Variants in NR5A2 observed in about 807,000 individuals in gnomAD.
The protein encoded by NR5A2 is nuclear receptor subfamily 5 group A member 2.
A neutral mutation model predicts 62.7 loss-of-function variants in NR5A2; 26 were observed. That is an observed-to-expected ratio of 0.41 (90% CI 0.30 to 0.58). NR5A2 has a LOEUF of 0.58. Among genes scored for constraint, NR5A2 ranks in the 20% least tolerant of loss-of-function variants. NR5A2 has a pLI of 0.22. For synonymous variants in NR5A2, 246 were observed against 241.7 expected (o/e 1.02, Z -0.16); for missense variants, 541 against 669.1 (o/e 0.81, Z 2.11).
intron 6 of NR5A2, among the ~76,000 whole-genome samples, chr1:200,118,019 CTT>C (rs397982581): frequency 7.7e-5 from 9 of 117,326 alleles, no homozygotes; most frequent in Non-Finnish European, 1.0e-4. Flanking sequence ...TCGCCTTTTT[CTT>C]TTTTTTTTTT....
rs142572209 is a variant in NR5A2 at position 200,165,650 on chromosome 1, C to T, written c.1379-8313C>T. ...TCTTTCATTTAATAATACACATTTACGTTTCCTCCATGTCTTTTCATGGGC... is the reference window on the plus strand; with the variant it reads ...TCTTTCATTTAATAATACACATTTATGTTTCCTCCATGTCTTTTCATGGGC... On this transcript the variant is annotated intron_variant, in intron 7 of 7. Transcript: ENST00000367362. Among the ~76,000 whole-genome samples the T allele has an allele frequency of 5.6e-3, 857 of 152,254 alleles. 4 individuals carry two copies. Among genetic ancestry groups the T allele is most frequent in the African/African-American group, 0.02 (810 of 41,534 alleles).
At chr1:200,086,099 C>T (rs768718449) in intron 5 of NR5A2, among the ~76,000 whole-genome samples, 47 of 151,950 alleles carry the variant, frequency 3.1e-4, no homozygotes, top group Admixed American at 9.8e-4. Context: ...AGGCTAACTA[C>T]GTGATAAAAG....
chr1:200,064,095 G>A (rs540198476), intron 5 of NR5A2, among the ~76,000 whole-genome samples: 2 of 151,374 alleles, frequency 1.3e-5, no homozygotes, highest in African/African-American at 4.9e-5. Context: ...GTTACAGTGA[G>A]CCAAGATTGC....
chr1:200,047,529 A>T (rs930867062), intron 4 of NR5A2, among the ~76,000 whole-genome samples: 2 of 152,076 alleles, frequency 1.3e-5, no homozygotes, highest in African/African-American at 4.8e-5. Context: ...ATAAAAGCAT[A>T]TACTCTTAGT....
intron 7 of NR5A2, among the ~76,000 whole-genome samples, chr1:200,150,955 T>A (rs903967429): frequency 3.3e-5 from 5 of 152,194 alleles, no homozygotes; most frequent in African/African-American, 1.2e-4. Context: ...CCGTGGGAGT[T>A]AAGAATTGAA....
intron 7 of NR5A2, among the ~76,000 whole-genome samples, chr1:200,124,309 C>T (rs972409418): frequency 3.9e-5 from 6 of 152,182 alleles, no homozygotes; most frequent in African/African-American, 1.4e-4. Flanking sequence ...GCAGTCATCA[C>T]TTTCTAATCT....
At chr1:200,165,047 T>G (rs1204351288) in intron 7 of NR5A2, among the ~76,000 whole-genome samples, 2 of 151,340 alleles carry the variant, frequency 1.3e-5, no homozygotes. Context: ...CAGCTAATTT[T>G]TATATTTTTA....
chr1:200,030,966 A>G (rs1661525480), intron 1 of NR5A2, among the ~76,000 whole-genome samples: 1 of 152,214 alleles, frequency 6.6e-6, no homozygotes. Flanking sequence ...CTCTGAAAGT[A>G]GACGTTTCAT....
chr1:200,156,821 C>T (rs950228598), intron 7 of NR5A2, among the ~76,000 whole-genome samples: 1 of 152,164 alleles, frequency 6.6e-6, no homozygotes, highest in Non-Finnish European at 1.5e-5. Flanking sequence ...GTATTCTGAG[C>T]ACATTTAAGG....
chr1:200,091,090 G>A (rs1664795129), intron 5 of NR5A2, among the ~76,000 whole-genome samples: 1 of 152,086 alleles, frequency 6.6e-6, no homozygotes, highest in South Asian at 2.1e-4. Flanking sequence ...GAGAATTAAT[G>A]GGGAGACCAT....
At chr1:200,123,645 CTT>C (rs1318935504) in intron 7 of NR5A2, among the ~76,000 whole-genome samples, 2 of 152,116 alleles carry the variant, frequency 1.3e-5, no homozygotes, top group Non-Finnish European at 1.5e-5. Flanking sequence ...CGGTGAATAA[CTT>C]AAGTCGATTT....
chr1:200,148,239 CA>C, intron 7 of NR5A2: 1 of 222,502 alleles, frequency 4.5e-6, no homozygotes, highest in Non-Finnish European at 9.5e-6. Flanking sequence ...CGGCAGCATC[CA>C]AAGGAAGCCG....
At chr1:200,151,665 TATC>T (rs1222360782) in intron 7 of NR5A2, among the ~76,000 whole-genome samples, 4 of 152,346 alleles carry the variant, frequency 2.6e-5, no homozygotes, top group African/African-American at 9.6e-5. Context: ...CAGGAGGCAT[TATC>T]ATGTTTCAAA....
chr1:200,126,288 A>G (rs1405436417), intron 7 of NR5A2, among the ~76,000 whole-genome samples: 1 of 152,164 alleles, frequency 6.6e-6, no homozygotes, highest in Non-Finnish European at 1.5e-5. Context: ...GCAGGGCTCT[A>G]TGGTTGTTCT....
At position 200,136,223 on chromosome 1, in the gene NR5A2, CT is replaced by C. The variant is rs1015637570; in HGVS notation, c.1378+15280del. ...TAGGAAGCTCTTCACTTTTTTCTTT[CT>C]TTTTTTTTTTTGGAGATGGAATCTC... On this transcript the variant is annotated intron_variant, in intron 7 of 7. Coordinates refer to ENST00000367362, the MANE Select transcript of NR5A2 (RefSeq NM_205860.3). Among the ~76,000 whole-genome samples the C allele has an allele frequency of 2.2e-3, 321 of 144,976 alleles. 1 individual carries two copies. Among genetic ancestry groups the C allele is most frequent in the Middle Eastern group, 3.5e-3 (1 of 282 alleles).
chr1:200,115,324 C>T (rs1408691761), intron 6 of NR5A2, among the ~76,000 whole-genome samples: 5 of 152,052 alleles, frequency 3.3e-5, no homozygotes, highest in Non-Finnish European at 7.3e-5. Flanking sequence ...AAATAACTCG[C>T]CTGCCCCAGA....
intron 7 of NR5A2, among the ~76,000 whole-genome samples, chr1:200,159,956 G>C (rs1038661446): frequency 6.6e-6 from 1 of 152,172 alleles, no homozygotes; most frequent in Non-Finnish European, 1.5e-5. Context: ...CCTGGTCTGA[G>C]AAGATTTTTT....
At chr1:200,034,553 C>T (rs1398613733) in intron 1 of NR5A2, among the ~76,000 whole-genome samples, 1 of 139,436 alleles carries the variant, frequency 7.2e-6, no homozygotes, top group Non-Finnish European at 1.5e-5. Context: ...GCCAAACTCT[C>T]CAAAAAGCCC....
At chr1:200,167,405 A>G (rs1367068019) in intron 7 of NR5A2, among the ~76,000 whole-genome samples, 3 of 152,074 alleles carry the variant, frequency 2.0e-5, no homozygotes, top group African/African-American at 7.2e-5. Flanking sequence ...ACCCTGTTGC[A>G]TCAACCATCT....
Sources: allele counts gnomAD v4.1 joint callset (sites outside exome capture counted in the v4.1 genomes callset), GRCh38; gene constraint gnomAD v4.1.1; transcripts MANE v1.5; gene names NCBI Gene and HGNC (gene_info 2026-07-23, HGNC 2026-07-21).